Variants in ABCD2 observed in about 807,000 individuals in gnomAD.
ABCD2 encodes ATP-binding cassette sub-family D member 2.
Under a neutral mutation model 70.9 loss-of-function variants are expected in ABCD2, and 36 were observed. The observed-to-expected ratio is 0.51, with a 90% CI of 0.39 to 0.67. ABCD2 has a LOEUF of 0.67. Among genes scored for constraint, ABCD2 ranks in the 30% least tolerant of loss-of-function variants. ABCD2 has a pLI of 0.00. For missense variants in ABCD2, 729 were observed against 890.2 expected, an observed-to-expected ratio of 0.82 and a Z score of 2.30; for synonymous variants, 304 against 306.9, an observed-to-expected ratio of 0.99 and a Z score of 0.10.
rs771532912 is a variant in ABCD2 at position 39,619,621 on chromosome 12, C to A, written c.-6G>T. On this transcript the variant is annotated 5_prime_UTR_variant, in exon 1 of 10. Transcript: ENST00000308666. ...GCATTTAGCATATGTGTCATTTTCCCAGTTACCCAAACCGGCTTCCAAAAG... is the reference window on the plus strand; with the variant it reads ...GCATTTAGCATATGTGTCATTTTCCAAGTTACCCAAACCGGCTTCCAAAAG... 1.9e-6 allele frequency: 3 copies of A among 1,599,094 alleles called. No homozygotes were observed. The Admixed American group carries it at 5.1e-5, about 27-fold the overall frequency.
At chr12:39,587,196 C>T (rs898963431) in intron 6 of ABCD2, among the ~76,000 whole-genome samples, 1 of 152,276 alleles carries the variant, frequency 6.6e-6, no homozygotes, top group South Asian at 2.1e-4. Context: ...ACAGAATAAA[C>T]TATAGTACAT....
intron 6 of ABCD2, among the ~76,000 whole-genome samples, chr12:39,598,748 A>G (rs1013618992): frequency 6.6e-6 from 1 of 152,316 alleles, no homozygotes; most frequent in African/African-American, 2.4e-5. Context: ...CCTACCAACA[A>G]ATATTTTGAA....
At chr12:39,616,925 A>G in intron 2 of ABCD2, 63 bp downstream of exon 2, 1 of 1,430,634 alleles carries the variant, frequency 7.0e-7, no homozygotes, top group Non-Finnish European at 9.4e-7. Flanking sequence ...TAAAACTAGC[A>G]ATGACAACTT....
intron 9 of ABCD2, among the ~76,000 whole-genome samples, chr12:39,560,570 T>C (rs1232459422): frequency 6.6e-6 from 1 of 152,086 alleles, no homozygotes; most frequent in Non-Finnish European, 1.5e-5. Flanking sequence ...CACTAAAAAT[T>C]CAAAATGGGG....
chr12:39,583,945 A>T (rs939515231), intron 7 of ABCD2, among the ~76,000 whole-genome samples: 2 of 152,010 alleles, frequency 1.3e-5, no homozygotes, highest in Non-Finnish European at 2.9e-5. Flanking sequence ...ATTTACATTG[A>T]TTCCATGTTT....
chr12:39,570,125 T>C (rs971047797), intron 9 of ABCD2, among the ~76,000 whole-genome samples: 2 of 152,234 alleles, frequency 1.3e-5, no homozygotes, highest in Non-Finnish European at 2.9e-5. Context: ...TGTTTATGAA[T>C]TGGAAGAATT....
downstream of ABCD2, among the ~76,000 whole-genome samples, chr12:39,548,317 T>C (rs1451991356): frequency 6.6e-6 from 1 of 152,112 alleles, no homozygotes; most frequent in African/African-American, 2.4e-5. Context: ...TGATTCATGA[T>C]ATTTTCAACT....
intron 9 of ABCD2, among the ~76,000 whole-genome samples, chr12:39,559,505 CAT>C (rs1475253055): frequency 6.6e-6 from 1 of 150,948 alleles, no homozygotes; most frequent in Admixed American, 6.6e-5. Context: ...AATCTGGAGA[CAT>C]ATAACTATCT....
At chr12:39,604,732 G>T in intron 4 of ABCD2, 30 bp downstream of exon 4, 1 of 1,493,914 alleles carries the variant, frequency 6.7e-7, no homozygotes. Flanking sequence ...CTTAAATATA[G>T]GAAAATATAA....
chr12:39,581,036 C>T (rs1021737661), intron 7 of ABCD2, among the ~76,000 whole-genome samples: 1 of 152,000 alleles, frequency 6.6e-6, no homozygotes, highest in Non-Finnish European at 1.5e-5. Context: ...AACTGTTAAA[C>T]ATAAAATGCA....
intron 7 of ABCD2, among the ~76,000 whole-genome samples, chr12:39,579,838 T>C (rs1281547157): frequency 6.6e-6 from 1 of 152,114 alleles, no homozygotes; most frequent in Non-Finnish European, 1.5e-5. Context: ...TACTGACAAA[T>C]GATCTTACAA....
At chr12:39,568,893 T>C (rs1431833157) in intron 9 of ABCD2, among the ~76,000 whole-genome samples, 2 of 152,206 alleles carry the variant, frequency 1.3e-5, no homozygotes, top group Non-Finnish European at 2.9e-5. Flanking sequence ...AGAGGTCCAC[T>C]CCAGACCCTG....
At chr12:39,574,484 G>C (rs1325585161) in intron 8 of ABCD2, among the ~76,000 whole-genome samples, 3 of 151,964 alleles carry the variant, frequency 2.0e-5, no homozygotes, top group Non-Finnish European at 4.4e-5. Context: ...CTTTGATAAT[G>C]CCTGTCTGTT....
the ABCD2 span, among the ~76,000 whole-genome samples, chr12:39,532,231 G>A: frequency 1.3e-5 from 2 of 152,208 alleles, no homozygotes; most frequent in Admixed American, 6.5e-5. Context: ...GGCATAAAAC[G>A]ACCCATGTAG....
At chr12:39,555,881 G>A (rs1214781083) in intron 9 of ABCD2, among the ~76,000 whole-genome samples, 1 of 152,162 alleles carries the variant, frequency 6.6e-6, no homozygotes, top group Non-Finnish European at 1.5e-5. Context: ...TGGGGGCTCA[G>A]ATTTCAGCTC....
chr12:39,597,848 T>A (rs1941839863), intron 6 of ABCD2, among the ~76,000 whole-genome samples: 1 of 152,190 alleles, frequency 6.6e-6, no homozygotes, highest in African/African-American at 2.4e-5. Flanking sequence ...TGAAACTAAT[T>A]TATCTACCAA....
the ABCD2 span, among the ~76,000 whole-genome samples, chr12:39,538,167 C>CTTTTTTTTT: frequency 2.1e-5 from 3 of 142,818 alleles, no homozygotes; most frequent in African/African-American, 5.4e-5. Context: ...CATTTTCTTT[C>CTTTTTTTTT]TTTCTTTTTT....
the ABCD2 span, among the ~76,000 whole-genome samples, chr12:39,536,863 C>T: frequency 6.6e-6 from 1 of 152,148 alleles, no homozygotes; most frequent in Non-Finnish European, 1.5e-5. Flanking sequence ...AGGCTAAAAA[C>T]CTTCTGGTTT....
intron 7 of ABCD2, among the ~76,000 whole-genome samples, chr12:39,580,884 C>G (rs991661161): frequency 6.6e-5 from 10 of 152,008 alleles, no homozygotes; most frequent in Non-Finnish European, 1.2e-4. Context: ...AGAAAATAGC[C>G]CTCATTGCTT....
Sources: allele counts gnomAD v4.1 joint callset (sites outside exome capture counted in the v4.1 genomes callset), GRCh38; gene constraint gnomAD v4.1.1; transcripts MANE v1.5; gene names NCBI Gene and HGNC (gene_info 2026-07-23, HGNC 2026-07-21).